WWOX: variants seen among roughly 807,000 people sequenced by gnomAD.
WWOX encodes WW domain-containing oxidoreductase.
In WWOX, 69 loss-of-function variants were observed where a neutral mutation model predicts 46.2. That is an observed-to-expected ratio of 1.49 (90% CI 1.23 to 1.82). The LOEUF is 1.82. Ranked by LOEUF, WWOX falls within the 40% of genes most tolerant of loss-of-function variation. WWOX has a pLI of 0.00. For synonymous variants in WWOX, 359 were observed against 202.6 expected (o/e 1.77, Z -6.56); for missense variants, 919 against 542.6 (o/e 1.69, Z -6.89).
intron 8 of WWOX, among the ~76,000 whole-genome samples, chr16:79,123,558 T>C (rs893978248): frequency 2.0e-5 from 3 of 152,040 alleles, no homozygotes; most frequent in Admixed American, 6.6e-5. Flanking sequence ...TATGTAAGGA[T>C]TAAGGACGTT....
At chr16:78,353,971 G>A (rs973894786) in intron 5 of WWOX, among the ~76,000 whole-genome samples, 3 of 152,150 alleles carry the variant, frequency 2.0e-5, no homozygotes, top group Admixed American at 6.5e-5. Context: ...CATCGCTTTC[G>A]TGCTTTCCTC....
intron 8 of WWOX, among the ~76,000 whole-genome samples, chr16:78,998,001 C>T (rs757737250): frequency 4.6e-5 from 7 of 152,060 alleles, no homozygotes; most frequent in Non-Finnish European, 7.4e-5. Flanking sequence ...CTCAGCCTCC[C>T]GAGTAGCTGG....
Position 78,935,737 on chromosome 16 carries a change from C to G in WWOX, c.1057-275871C>G, listed in dbSNP as rs576476417. On this transcript the variant is annotated intron_variant, in intron 8 of 8. Transcript: ENST00000566780. ...AAGCTGCACATTGTGCACATGTACC[C>G]TAGAACTTAAAGTATAAAAAAAAAA... Among the ~76,000 whole-genome samples, 7 of 151,784 alleles carry G rather than the reference C, an allele frequency of 4.6e-5. No individual in the cohort carries two copies. The South Asian group carries it at 6.3e-4, about 14-fold the overall frequency.
intron 5 of WWOX, among the ~76,000 whole-genome samples, chr16:78,347,476 C>A (rs1342446400): frequency 8.5e-6 from 1 of 117,668 alleles, no homozygotes; most frequent in African/African-American, 2.9e-5. Context: ...CCCACAATGT[C>A]CCCCCACATA....
At chr16:79,078,231 G>A (rs1490446888) in intron 8 of WWOX, 1 of 152,098 alleles carries the variant, frequency 6.6e-6, no homozygotes, top group African/African-American at 2.4e-5. Flanking sequence ...ATTTTTCTAG[G>A]TCTTGCTCCC....
rs377280036 is a variant in WWOX, at chr16:78,599,160, C to T, written c.1056+166408C>T. Among the ~76,000 whole-genome samples the T allele has an allele frequency of 2.2e-3, 332 of 152,322 alleles. 3 individuals are homozygous for T. Among genetic ancestry groups the T allele is most frequent in the Middle Eastern group, 6.8e-3 (2 of 294 alleles). On this transcript the variant is annotated intron_variant, in intron 8 of 8. Coordinates refer to ENST00000566780, the MANE Select transcript of WWOX (RefSeq NM_016373.4). ...GTTGCTGATGGAGACTTCATCCCCT[C>T]CTCCAGTCCCGGGATCAAGACAGAA...
At chr16:79,057,493 T>C (rs916115566) in intron 8 of WWOX, among the ~76,000 whole-genome samples, 8 of 152,326 alleles carry the variant, frequency 5.3e-5, no homozygotes, top group Non-Finnish European at 1.2e-4. Context: ...ACCATTATTA[T>C]TTCTGTTATA....
intron 8 of WWOX, among the ~76,000 whole-genome samples, chr16:78,912,223 T>C (rs1411514229): frequency 6.6e-6 from 1 of 152,072 alleles, no homozygotes; most frequent in East Asian, 1.9e-4. Flanking sequence ...AAGCCCCAGT[T>C]GTTTTGAAGC....
chr16:78,696,385 A>G (rs7203842), intron 8 of WWOX, among the ~76,000 whole-genome samples: 9,104 of 152,222 alleles, frequency 0.06, 385 homozygotes, highest in Non-Finnish European at 0.072. Context: ...CCTGACTTAT[A>G]ATGGTTTGAC....
At chr16:78,551,250 A>C (rs1232799191) in intron 8 of WWOX, 3 of 152,250 alleles carry the variant, frequency 2.0e-5, no homozygotes, top group African/African-American at 7.2e-5. Flanking sequence ...AAACCTAATG[A>C]AAACAGCATG....
At chr16:78,758,113 CAATT>C (rs1344429444) in intron 8 of WWOX, among the ~76,000 whole-genome samples, 1 of 152,022 alleles carries the variant, frequency 6.6e-6, no homozygotes, top group East Asian at 1.9e-4. Flanking sequence ...TTCTTTAAAT[CAATT>C]CATAGATTCA....
intron 8 of WWOX, among the ~76,000 whole-genome samples, chr16:78,884,283 AAAAAAAAAAAC>A (rs1173326657): frequency 2.7e-5 from 4 of 149,476 alleles, no homozygotes; most frequent in Non-Finnish European, 4.4e-5. Context: ...CAAAAAAAAA[AAAAAAAAAAAC>A]AAAAGACCAT....
At chr16:78,791,498 C>T (rs2050599093) in intron 8 of WWOX, among the ~76,000 whole-genome samples, 1 of 152,150 alleles carries the variant, frequency 6.6e-6, no homozygotes, top group South Asian at 2.1e-4. Context: ...CTGTCGTGGT[C>T]TTGGCCTTTC....
At chr16:79,197,193 T>A (rs2051257810) in intron 8 of WWOX, among the ~76,000 whole-genome samples, 1 of 152,158 alleles carries the variant, frequency 6.6e-6, no homozygotes, top group Non-Finnish European at 1.5e-5. Flanking sequence ...TGGTTTGGGT[T>A]TATACATTCC....
At chr16:78,445,832 C>A (rs377423413) in intron 8 of WWOX, among the ~76,000 whole-genome samples, 1 of 145,188 alleles carries the variant, frequency 6.9e-6, no homozygotes, top group East Asian at 2.1e-4. Flanking sequence ...GAGCAGAGAT[C>A]GTGCCACTGT....
At chr16:78,573,198 A>G (rs1201980158) in intron 8 of WWOX, among the ~76,000 whole-genome samples, 3 of 152,150 alleles carry the variant, frequency 2.0e-5, no homozygotes, top group African/African-American at 7.2e-5. Flanking sequence ...AGGCAGGAGA[A>G]TGGCGTGAAC....
intron 8 of WWOX, among the ~76,000 whole-genome samples, chr16:78,985,666 G>C (rs557525198): frequency 9.2e-5 from 14 of 152,328 alleles, no homozygotes; most frequent in African/African-American, 3.4e-4. Flanking sequence ...CTACTCAGGA[G>C]GCTGAGGCAG....
intron 8 of WWOX, among the ~76,000 whole-genome samples, chr16:78,818,306 C>T (rs1597664108): frequency 6.6e-6 from 1 of 152,200 alleles, no homozygotes; most frequent in African/African-American, 2.4e-5. Flanking sequence ...AGCTCCTGCC[C>T]CAGCCCTGCC....
At chr16:79,135,178 T>G (rs1263547096) in intron 8 of WWOX, among the ~76,000 whole-genome samples, 1 of 152,216 alleles carries the variant, frequency 6.6e-6, no homozygotes, top group Admixed American at 6.5e-5. Flanking sequence ...GACAGTGTAT[T>G]GTTAACCTTG....
Sources: allele counts gnomAD v4.1 joint callset (sites outside exome capture counted in the v4.1 genomes callset), GRCh38; gene constraint gnomAD v4.1.1; transcripts MANE v1.5; gene names NCBI Gene and HGNC (gene_info 2026-07-23, HGNC 2026-07-21).